TBCD: variants seen among roughly 807,000 people sequenced by gnomAD.
TBCD encodes tubulin-specific chaperone D.
TBCD carries 105 observed loss-of-function variants against 169.3 expected under a neutral mutation model. The observed-to-expected ratio is 0.62, with a 90% CI of 0.53 to 0.73. The LOEUF (loss-of-function observed/expected upper bound fraction) is 0.73, where lower values mean the gene tolerates loss of function less well. Among genes scored for constraint, TBCD ranks in the 30% least tolerant of loss-of-function variants. The pLI is 0.00. For missense variants in TBCD, 1,444 were observed against 1,600.1 expected (o/e 0.90, Z 1.66); for synonymous variants, 700 against 643.9 (o/e 1.09, Z -1.32).
chr17:82,903,560 G>A lies in TBCD; in HGVS notation c.1804+82G>A. On this transcript the variant is annotated intron_variant, in intron 19 of 38. Coordinates refer to ENST00000355528, the MANE Select transcript of TBCD (RefSeq NM_005993.5). The surrounding 1 kb of genome is among the most constrained non-coding windows in gnomAD (Gnocchi z 4.8). Reference sequence around the variant, plus strand: ...GGGTTGCTGGTTTCAAAGGCTGGGGGCTGAAAATAAGGTTGTGCTTCTGTC... The same window carrying A: ...GGGTTGCTGGTTTCAAAGGCTGGGGACTGAAAATAAGGTTGTGCTTCTGTC... 1 of 1,385,772 alleles carries A rather than the reference G, an allele frequency of 7.2e-7. No individual in the cohort carries two copies. Among genetic ancestry groups the A allele is most frequent in the Non-Finnish European group, 9.9e-7 (1 of 1,005,166 alleles). 85.8% of individuals were successfully genotyped at this position (1,385,772 alleles called of 1,614,324 possible).
chr17:82,856,497 C>T (rs892160069), intron 13 of TBCD, among the ~76,000 whole-genome samples: 6 of 152,138 alleles, frequency 3.9e-5, no homozygotes, highest in African/African-American at 1.4e-4. Context: ...CCCAAAATTC[C>T]TGCTGAAATC....
chr17:82,785,150 G>A (rs2049219582), intron 7 of TBCD, among the ~76,000 whole-genome samples: 1 of 103,642 alleles, frequency 9.6e-6, no homozygotes, highest in African/African-American at 4.4e-5. Context: ...CATCGCAGCG[G>A]GAGGGGGGTC....
chr17:82,906,101 C>T (rs191660360), intron 20 of TBCD, 48 bp downstream of exon 20: 1 of 1,410,528 alleles, frequency 7.1e-7, no homozygotes, highest in Non-Finnish European at 9.8e-7. Context: ...TCCCTGATCC[C>T]CTCACCATGT....
chr17:82,754,412 A>G (rs1307126517), intron 1 of TBCD, among the ~76,000 whole-genome samples: 1 of 152,286 alleles, frequency 6.6e-6, no homozygotes, highest in Admixed American at 6.5e-5. Flanking sequence ...ATCTGAAAAG[A>G]TATCTTTAAA....
At chr17:82,793,229 C>T (rs2049872111) in intron 7 of TBCD, among the ~76,000 whole-genome samples, 2 of 152,056 alleles carry the variant, frequency 1.3e-5, no homozygotes, top group Admixed American at 6.5e-5. Flanking sequence ...GGCTTTTTTC[C>T]TCTGAATGTG....
chr17:82,858,124 G>A (rs1392094281), intron 13 of TBCD, among the ~76,000 whole-genome samples: 2 of 152,160 alleles, frequency 1.3e-5, no homozygotes, highest in Admixed American at 1.3e-4. Context: ...ATGTTGTCCA[G>A]GCTGGTCTCG....
At chr17:82,912,358 GCTGATT>G (rs1352096416) in intron 23 of TBCD, among the ~76,000 whole-genome samples, 2 of 152,206 alleles carry the variant, frequency 1.3e-5, no homozygotes, top group Admixed American at 6.5e-5. Context: ...TTTTTTCTTT[GCTGATT>G]CTTTTTTAGC....
chr17:82,873,626 T>C (rs956313153), intron 14 of TBCD, among the ~76,000 whole-genome samples: 1 of 152,204 alleles, frequency 6.6e-6, no homozygotes, highest in Non-Finnish European at 1.5e-5. Context: ...GGCAGATACA[T>C]AACTTCTGCC....
chr17:82,808,753 G>A (rs960755547), intron 11 of TBCD, among the ~76,000 whole-genome samples: 1 of 147,978 alleles, frequency 6.8e-6, no homozygotes, highest in African/African-American at 2.5e-5. Context: ...AGGTGTCAGG[G>A]AGGTCCCTGC....
chr17:82,893,667 C>T (rs2146460686), intron 17 of TBCD, 35 bp downstream of exon 17: 1 of 1,454,402 alleles, frequency 6.9e-7, no homozygotes, highest in Non-Finnish European at 9.4e-7. Context: ...AAATAGAATA[C>T]TCTAAAATCA....
At chr17:82,845,841 A>G (rs1033426894) in intron 13 of TBCD, among the ~76,000 whole-genome samples, 1 of 152,246 alleles carries the variant, frequency 6.6e-6, no homozygotes, top group East Asian at 1.9e-4. Context: ...GAAGGGCGTC[A>G]CATCTTGGAT....
chr17:82,781,797 C>A, intron 7 of TBCD, 76 bp downstream of exon 7: 1 of 1,572,822 alleles, frequency 6.4e-7, no homozygotes, highest in African/African-American at 1.3e-5. Context: ...ATGATGTTAC[C>A]TGTGATTCCA....
chr17:82,942,030 G>A (rs2063342506), intron 38 of TBCD: 1 of 279,256 alleles, frequency 3.6e-6, no homozygotes, highest in Non-Finnish European at 6.7e-6. Context: ...TTATATCTGA[G>A]AGGGAGGAGG....
chr17:82,799,046 A>G (rs1252090209), intron 8 of TBCD, among the ~76,000 whole-genome samples: 1 of 152,224 alleles, frequency 6.6e-6, no homozygotes, highest in African/African-American at 2.4e-5. Context: ...AATTCTCTTA[A>G]TTTTAGATTG....
At chr17:82,823,529 TCTCCCTCC>T (rs1017433946) in intron 13 of TBCD, among the ~76,000 whole-genome samples, 1 of 151,968 alleles carries the variant, frequency 6.6e-6, no homozygotes, top group Non-Finnish European at 1.5e-5. Context: ...TCCGCCCTGC[TCTCCCTCC>T]CTCCCTCCCT....
chr17:82,830,458 G>A, intron 13 of TBCD: 2 of 1,612,738 alleles, frequency 1.2e-6, no homozygotes, highest in Non-Finnish European at 1.7e-6. Flanking sequence ...GCATGCGTCT[G>A]GAGCCTCCTC....
intron 13 of TBCD, among the ~76,000 whole-genome samples, 198 bp from the exon 14 acceptor site, chr17:82,870,026 T>G (rs1314008740): frequency 2.0e-5 from 3 of 152,334 alleles, no homozygotes; most frequent in Admixed American, 6.5e-5. Context: ...GCATGCATCT[T>G]CCTTTCGTAG....
intron 13 of TBCD, among the ~76,000 whole-genome samples, chr17:82,869,979 C>T (rs1213141700): frequency 6.6e-6 from 1 of 152,148 alleles, no homozygotes; most frequent in Non-Finnish European, 1.5e-5. Context: ...CTTCATGGCA[C>T]TTGAAAAAAA....
At chr17:82,804,556 C>T (rs2050813038) in intron 9 of TBCD, among the ~76,000 whole-genome samples, 2 of 152,222 alleles carry the variant, frequency 1.3e-5, no homozygotes, top group African/African-American at 2.4e-5. Flanking sequence ...GGTGTGCTTC[C>T]ATGCTCCTCA....
Sources: gnomAD v4.1 joint callset for allele counts (sites outside exome capture counted in the v4.1 genomes callset) on GRCh38, gnomAD v4.1.1 for gene constraint, Gnocchi (gnomAD v3.1) non-coding constraint, MANE v1.5 for transcripts, NCBI Gene and HGNC (gene_info 2026-07-23, HGNC 2026-07-21) for gene names.